LMTK3: variants seen among roughly 807,000 people sequenced by gnomAD.
LMTK3 encodes lemur tail kinase 3.
A neutral mutation model predicts 116.7 loss-of-function variants in LMTK3; 27 were observed. That is an observed-to-expected ratio of 0.23 (90% CI 0.17 to 0.32). The LOEUF (loss-of-function observed/expected upper bound fraction) is 0.32. Ranked by LOEUF, LMTK3 falls within the 10% of genes least tolerant of loss-of-function variation. The pLI, the probability that LMTK3 is intolerant of heterozygous loss-of-function variation, is 1.00. For synonymous variants in LMTK3, 965 were observed against 971.0 expected (o/e 0.99, Z 0.11); for missense variants, 1,764 against 2,068.5 (o/e 0.85, Z 2.86).
rs768168666 is a variant in LMTK3, at chr19:48,497,405, C to T, written c.3664G>A (p.Glu1222Lys). 6 of 1,525,928 alleles carry T rather than the reference C, an allele frequency of 3.9e-6. 1 individual carries two copies. The South Asian group carries it at 5.0e-5, about 13-fold the overall frequency. The allele number at this position is 1,525,928 out of a possible 1,614,324, so 94.5% of individuals were successfully genotyped here. Residue 1222 changes from glutamate to lysine, a missense_variant, in exon 11 of 15, where the codon GAG becomes AAG. Glu to Lys is a moderately conservative substitution (Grantham distance 56, BLOSUM62 1). Coordinates refer to ENST00000600059, the MANE Select transcript of LMTK3 (RefSeq NM_001388485.1). This position sits in a 1 kb window ranked among gnomAD's most constrained non-coding sequence, Gnocchi z 5.7. Reference protein sequence around the residue: ...LDLGPPQGNSEQIKARLSRLS... With the variant: ...LDLGPPQGNSKQIKARLSRLS... ...GCAGCCTCCTCACCTTTGATCTGCT[C>T]GCTGTTCCCCTGAGGGGGTCCCAAG...
At chr19:48,513,061 A>G (rs1408528033), upstream of LMTK3, 5 of 1,156,004 alleles carry the variant, frequency 4.3e-6, no homozygotes, top group East Asian at 1.3e-4. The surrounding 1 kb of genome is among the most constrained non-coding windows in gnomAD (Gnocchi z 5.6). Flanking sequence ...ACACTGGCAC[A>G]CATAACACAT....
At chr19:48,489,544 G>C (rs1972184907) in intron 14 of LMTK3, among the ~76,000 whole-genome samples, 1 of 152,188 alleles carries the variant, frequency 6.6e-6, no homozygotes, top group Admixed American at 6.5e-5. Flanking sequence ...TTGCACTTCG[G>C]CTTGGGCGAC....
rs1274460414 is a variant in LMTK3, at chr19:48,501,360, G to C, written c.924C>G (p.Arg308=). The C allele has an allele frequency of 8.7e-6, 14 of 1,613,174 alleles. No individual in the cohort carries two copies. The highest frequency in any genetic ancestry group is 1.3e-5 in the African/African-American group (1 of 74,938). ...CCCCGAGGAGCTCGGGCGCCGCCCA[G>C]CGCAGTGGGATCCACAGGCGCTCTG... The part of the protein sequence containing the change: ...LTPERLWIPL[R]WAAPELLGEL... The change falls in exon 9 of 15, where the codon CGC becomes CGG. Residue 308 remains arginine, a synonymous_variant. Coordinates refer to ENST00000600059, the MANE Select transcript of LMTK3 (RefSeq NM_001388485.1).
At chr19:48,510,657 T>G in intron 1 of LMTK3, 65 bp from the exon 2 acceptor site, 1 of 1,468,390 alleles carries the variant, frequency 6.8e-7, no homozygotes, top group Non-Finnish European at 9.0e-7. Flanking sequence ...TCATGCCCCC[T>G]CCCGTCCCGG....
chr19:48,485,794 G>A lies in LMTK3; in HGVS notation c.4367-5C>T. The A allele has an allele frequency of 6.2e-7, 1 of 1,609,918 alleles. No homozygotes were observed. Among genetic ancestry groups the A allele is most frequent in the Non-Finnish European group, 8.5e-7 (1 of 1,178,406 alleles). On this transcript the variant is annotated splice_region_variant and splice_polypyrimidine_tract_variant and intron_variant, in intron 14 of 14. Transcript: ENST00000600059. Reference sequence around the variant, plus strand: ...GGAATCAATTCTCCACGGGGCCTGAGGATGGACAGAGGAGACAGAGAAATG... The same window carrying A: ...GGAATCAATTCTCCACGGGGCCTGAAGATGGACAGAGGAGACAGAGAAATG...
intron 4 of LMTK3, 75 bp downstream of exon 4, chr19:48,509,362 G>T (rs1206208082): frequency 3.7e-6 from 5 of 1,348,346 alleles, no homozygotes; most frequent in Non-Finnish European, 5.2e-6. Flanking sequence ...AGTGGTGAGA[G>T]CAGGGGTGTG....
In LMTK3 at chr19:48,498,670, G is replaced by A. The variant is rs1262032140; in HGVS notation, c.2399C>T (p.Pro800Leu). 6.5e-7 allele frequency: 1 copy of A among 1,540,264 alleles called. No homozygotes were observed. The highest frequency in any genetic ancestry group is 8.7e-7 in the Non-Finnish European group (1 of 1,145,534). ...TGGGAAGGCTCCCTCTGGGGAAAAA[G>A]GGGTCTCGGTCTCGTAGCCGCTGTC... Reference protein sequence around the residue: ...PGDSGYETETPFSPEGAFPGG... With the variant: ...PGDSGYETETLFSPEGAFPGG... The change falls in exon 11 of 15, where the codon CCT (proline) becomes CTT (leucine). Residue 800 changes from proline (P) to leucine (L), a missense_variant. Pro to Leu is a moderately conservative substitution (Grantham distance 98). This residue lies in a region of LMTK3 where 1,028 missense variants were observed against 1,050.6 expected (regional missense o/e 0.98). Transcript: ENST00000600059.
chr19:48,511,587 A>C lies in LMTK3; in HGVS notation c.-11T>G. 9.6e-7 allele frequency: 1 copy of C among 1,036,994 alleles called. No individual in the cohort carries two copies. The highest frequency in any genetic ancestry group is 1.2e-6 in the Non-Finnish European group (1 of 812,494). The allele number at this position is 1,036,994 out of a possible 1,614,324, so 64.2% of individuals were successfully genotyped here. A position where few individuals can be genotyped will look rare whatever the true frequency, so the allele number is the denominator to read the frequency against. On this transcript the variant is annotated 5_prime_UTR_variant, in exon 1 of 15. Transcript: ENST00000600059. The stretch of plus-strand genomic sequence containing the variant: ...GCCGGGGGCAGGCATCTTGTCGAGG[A>C]TGGCAGGGAGGTGGAGGTGGTGGCG...
In LMTK3 at chr19:48,498,075, C is replaced by T; in HGVS notation, c.2994G>A (p.Lys998=). 4 of 1,613,096 alleles carry T rather than the reference C, an allele frequency of 2.5e-6. No individual in the cohort carries two copies. The highest frequency in any genetic ancestry group is 3.4e-6 in the Non-Finnish European group (4 of 1,179,798). The change falls in exon 11 of 15, where the codon AAG becomes AAA. Residue 998 remains lysine (K), a synonymous_variant. Transcript: ENST00000600059. ...VLVNGGLTPP[K]SEDKVSENGG... Reference sequence around the variant, plus strand: ...CATTCTCTGACACCTTGTCCTCGCTCTTTGGGGGTGTCAGGCCCCCATTCA... The same window carrying T: ...CATTCTCTGACACCTTGTCCTCGCTTTTTGGGGGTGTCAGGCCCCCATTCA...
intron 14 of LMTK3, among the ~76,000 whole-genome samples, chr19:48,487,024 C>T (rs777309379): frequency 9.0e-4 from 134 of 149,068 alleles, no homozygotes; most frequent in Non-Finnish European, 1.6e-3. Flanking sequence ...TGCCACCACA[C>T]CCGGCTATTT....
At position 48,494,649 on chromosome 19, in the gene LMTK3, C is replaced by T. The variant is rs78095662; in HGVS notation, c.3677-540G>A. 0.011 allele frequency among the ~76,000 whole-genome samples: 1,659 copies of T among 152,262 alleles called. 11 individuals carry two copies. Among genetic ancestry groups the T allele is most frequent in the Non-Finnish European group, 0.017 (1,134 of 68,022 alleles). On this transcript the variant is annotated intron_variant, in intron 11 of 14. Coordinates refer to ENST00000600059, the MANE Select transcript of LMTK3 (RefSeq NM_001388485.1). This position sits in a 1 kb window ranked among gnomAD's most constrained non-coding sequence, Gnocchi z 4.0. ...CGGCCAGATCCACCTCTCTGAGCCT[C>T]TGTTTCCTCACTGGCAAATGAACAA...
rs1439686381 is a variant in LMTK3, at chr19:48,501,127, C to G, written c.1020G>C (p.Leu340=). ...GGGCCCCAAACTCAAACAGCTCCCA[C>G]AGGGTCACCCCCAGGGACCTGCAGA... is the stretch of plus-strand genomic sequence containing the variant. The part of the protein sequence containing the change: ...ESNIWSLGVT[L]WELFEFGAQP... Residue 340 remains leucine, a synonymous_variant, in exon 10 of 15, where the codon CTG becomes CTC. Coordinates refer to ENST00000600059, the MANE Select transcript of LMTK3 (RefSeq NM_001388485.1). The G allele has an allele frequency of 1.2e-6, 2 of 1,608,970 alleles. No homozygotes were observed. Among genetic ancestry groups the G allele is most frequent in the East Asian group, 4.5e-5 (2 of 44,648 alleles).
At chr19:48,512,270 C>T (rs1030049603), upstream of LMTK3, among the ~76,000 whole-genome samples, 1 of 152,120 alleles carries the variant, frequency 6.6e-6, no homozygotes, top group Non-Finnish European at 1.5e-5. Context: ...CACACAAAGA[C>T]GCAGGGACCG....
At chr19:48,509,609 A>T in intron 3 of LMTK3, 96 bp from the exon 4 acceptor site, 1 of 1,029,722 alleles carries the variant, frequency 9.7e-7, no homozygotes, top group Non-Finnish European at 1.4e-6. Flanking sequence ...CAGAGCAGAC[A>T]TCACTCTCTT....
At chr19:48,493,646 C>T in intron 12 of LMTK3, 48 bp downstream of exon 12, 2 of 1,523,246 alleles carry the variant, frequency 1.3e-6, no homozygotes, top group Non-Finnish European at 1.8e-6. Flanking sequence ...TAGGCTCCTG[C>T]TCCCTCCAGG....
chr19:48,491,445 G>A lies in LMTK3; in HGVS notation c.4187C>T (p.Ala1396Val). ...PPAPPTPPHP[A>V]TPGDGFPSND... The stretch of plus-strand genomic sequence containing the variant: ...GCTGGGAAACCCATCTCCGGGGGTG[G>A]CGGGGTGGGGAGGTGTCGGGGGCGC... The change falls in exon 13 of 15, where the codon GCC becomes GTC. Residue 1396 changes from alanine to valine, a missense_variant. Transcript: ENST00000600059. The surrounding 1 kb of genome is among the most constrained non-coding windows in gnomAD (Gnocchi z 5.1). The A allele has an allele frequency of 7.0e-7, 1 of 1,428,216 alleles. No homozygotes were observed. Among genetic ancestry groups the A allele is most frequent in the Non-Finnish European group, 9.2e-7 (1 of 1,089,934 alleles). 88.5% of individuals were successfully genotyped at this position (1,428,216 alleles called of 1,614,324 possible).
At chr19:48,486,114 C>A (rs1316712238) in intron 14 of LMTK3, among the ~76,000 whole-genome samples, 1 of 117,372 alleles carries the variant, frequency 8.5e-6, no homozygotes, top group Admixed American at 1.1e-4. Context: ...GGCTGGAGTG[C>A]AGTGGCGCGA....
At position 48,497,623 on chromosome 19, in the gene LMTK3, G is replaced by C. The variant is rs748892125; in HGVS notation, c.3446C>G (p.Pro1149Arg). ...CTGTGCCTCCGGTGGCGGTGGCAGCGGTGGCGGCGGTGGCTGCGGCCTCGT... is the reference window on the plus strand; with the variant it reads ...CTGTGCCTCCGGTGGCGGTGGCAGCCGTGGCGGCGGTGGCTGCGGCCTCGT... ...DNTRPQPPPP[P>R]LPPPPEAQPR... Residue 1149 changes from proline (P) to arginine (R), a missense_variant, in exon 11 of 15, where the codon CCG becomes CGG. Pro to Arg is a moderately radical substitution (Grantham distance 103). Around this residue, in one of 7 missense-constraint regions of LMTK3, gnomAD observed 1,028 missense variants for 1,050.6 expected, o/e 0.98. Coordinates refer to ENST00000600059, the MANE Select transcript of LMTK3 (RefSeq NM_001388485.1). The surrounding 1 kb of genome is among the most constrained non-coding windows in gnomAD (Gnocchi z 5.7). 2 of 1,269,930 alleles carry C rather than the reference G, an allele frequency of 1.6e-6. No individual in the cohort carries two copies. The highest frequency in any genetic ancestry group is 4.6e-5 in the South Asian group (2 of 43,092). 78.7% of individuals were successfully genotyped at this position (1,269,930 alleles called of 1,614,324 possible).
At chr19:48,505,658 T>A (rs1383986106) in intron 5 of LMTK3, among the ~76,000 whole-genome samples, 1 of 152,030 alleles carries the variant, frequency 6.6e-6, no homozygotes, top group Non-Finnish European at 1.5e-5. Flanking sequence ...TGTCAGGAGT[T>A]CGAGACCAGC....
Sources: allele counts gnomAD v4.1 joint callset (sites outside exome capture counted in the v4.1 genomes callset), GRCh38; gene constraint gnomAD v4.1.1; regional missense constraint gnomAD v4.1.1; non-coding constraint Gnocchi (gnomAD v3.1); transcripts MANE v1.5; gene names NCBI Gene and HGNC (gene_info 2026-07-23, HGNC 2026-07-21).